ZC3H4: variants seen among roughly 807,000 people sequenced by gnomAD.
ZC3H4 encodes the protein zinc finger CCCH domain-containing protein 4.
Under a neutral mutation model 108.3 loss-of-function variants are expected in ZC3H4, and 13 were observed. That is an observed-to-expected ratio of 0.12 (90% CI 0.08 to 0.19). The LOEUF (loss-of-function observed/expected upper bound fraction) is 0.19. Ranked by LOEUF, ZC3H4 falls within the 10% of genes least tolerant of loss-of-function variation. The pLI, the probability that ZC3H4 is intolerant of heterozygous loss-of-function variation, is 1.00. For missense variants in ZC3H4, 1,734 were observed against 1,838.8 expected (o/e 0.94, Z 1.04); for synonymous variants, 917 against 749.6 (o/e 1.22, Z -3.65).
rs1189275561 is a variant in ZC3H4, at chr19:47,072,158, CGAG to C, written c.1803-40_1803-38del. The C allele has an allele frequency of 1.6e-5, 24 of 1,486,086 alleles. No homozygotes were observed. The highest frequency in any genetic ancestry group is 2.1e-5 in the Non-Finnish European group (23 of 1,118,656). 92.1% of individuals were successfully genotyped at this position (1,486,086 alleles called of 1,614,324 possible). On this transcript the variant is annotated intron_variant, in intron 12 of 14. Transcript: ENST00000253048. This position sits in a 1 kb window ranked among gnomAD's most constrained non-coding sequence, Gnocchi z 5.6. Reference sequence around the variant, plus strand: ...AAAAGGTGCCTGTGACGGAAGCTGCCGAGGAGGGCAGTGGCCACACCCCAGAGG... The same window carrying C: ...AAAAGGTGCCTGTGACGGAAGCTGCCGAGGGCAGTGGCCACACCCCAGAGG...
chr19:47,111,019 G>A, intron 2 of ZC3H4: 1 of 701,712 alleles, frequency 1.4e-6, no homozygotes, highest in African/African-American at 1.9e-5. Context: ...CGTACAGCCT[G>A]GCAAGGGAAG....
In ZC3H4 at chr19:47,112,404, G is replaced by A. The variant is rs1272786085; in HGVS notation, c.161+20C>T. 2.4e-6 allele frequency: 3 copies of A among 1,233,220 alleles called. No individual in the cohort carries two copies. The highest frequency in any genetic ancestry group is 1.6e-5 in the African/African-American group (1 of 64,254). 76.4% of individuals were successfully genotyped at this position (1,233,220 alleles called of 1,614,324 possible). On this transcript the variant is annotated intron_variant, in intron 2 of 14. Transcript: ENST00000253048. ...TTCCTCCCCCCGGGGACGCAGCCCCGGCCCAACCGGGGGCCTGACCTGTCG... is the reference window on the plus strand; with the variant it reads ...TTCCTCCCCCCGGGGACGCAGCCCCAGCCCAACCGGGGGCCTGACCTGTCG...
intron 11 of ZC3H4, among the ~76,000 whole-genome samples, chr19:47,080,744 A>G (rs985276316): frequency 6.6e-6 from 1 of 151,440 alleles, no homozygotes; most frequent in Admixed American, 6.6e-5. Flanking sequence ...AGCTCACTGC[A>G]ACCTCTGCCT....
intron 2 of ZC3H4, among the ~76,000 whole-genome samples, chr19:47,110,707 T>G: frequency 6.6e-6 from 1 of 152,234 alleles, no homozygotes; most frequent in East Asian, 1.9e-4. Flanking sequence ...ATAAAGCGTG[T>G]AAGCACCTTT....
chr19:47,066,433 C>G lies in ZC3H4; in HGVS notation c.3835G>C (p.Glu1279Gln), dbSNP rs749375967. 10 of 1,571,496 alleles carry G rather than the reference C, an allele frequency of 6.4e-6. No individual in the cohort carries two copies. The highest frequency in any genetic ancestry group is 8.6e-6 in the Non-Finnish European group (10 of 1,161,040). ...AGGGATGCCGCATCCTGCTCACCCT[C>G]GCGGGCCGGACTGTTCCCAGCAAAT... ...SPFAGNSPAR[E>Q]GEQDAASLKD... Residue 1279 changes from glutamate to glutamine, a missense_variant, in exon 15 of 15, where the codon GAG becomes CAG. Around this residue, in one of 9 missense-constraint regions of ZC3H4, gnomAD observed 518 missense variants for 499.6 expected, o/e 1.04. Coordinates refer to ENST00000253048, the MANE Select transcript of ZC3H4 (RefSeq NM_015168.2).
At chr19:47,074,662 T>C (rs1213097663) in intron 11 of ZC3H4, among the ~76,000 whole-genome samples, 2 of 152,212 alleles carry the variant, frequency 1.3e-5, no homozygotes, top group African/African-American at 4.8e-5. Context: ...AATGCCTGCT[T>C]TGCCCCCCAA....
At chr19:47,070,141 G>A (rs186653001) in intron 13 of ZC3H4, among the ~76,000 whole-genome samples, 4 of 152,180 alleles carry the variant, frequency 2.6e-5, no homozygotes, top group African/African-American at 7.2e-5. Flanking sequence ...CGGAGGGGGG[G>A]GCGTCTGGAG....
In ZC3H4 at chr19:47,067,881, C is replaced by G. The variant is rs2057247179; in HGVS notation, c.2399-12G>C. 1 of 1,575,002 alleles carries G rather than the reference C, an allele frequency of 6.3e-7. No homozygotes were observed. Among genetic ancestry groups the G allele is most frequent in the Non-Finnish European group, 8.6e-7 (1 of 1,163,686 alleles). On this transcript the variant is annotated splice_polypyrimidine_tract_variant and intron_variant, in intron 14 of 14. Transcript: ENST00000253048. The surrounding 1 kb of genome is among the most constrained non-coding windows in gnomAD (Gnocchi z 6.4). Reference sequence around the variant, plus strand: ...GTTTCCGGTGTCACCTGGGAAAGAACAGAGGAGCAGGGAGGGGTGAGTGGG... The same window carrying G: ...GTTTCCGGTGTCACCTGGGAAAGAAGAGAGGAGCAGGGAGGGGTGAGTGGG...
chr19:47,070,925 C>T (rs1288668491), intron 13 of ZC3H4, among the ~76,000 whole-genome samples: 2 of 152,016 alleles, frequency 1.3e-5, no homozygotes, highest in South Asian at 2.1e-4. Context: ...CTCCAGTGGC[C>T]GCCCTGCTGC....
chr19:47,085,240 C>T (rs2057597900), intron 7 of ZC3H4, 45 bp from the exon 8 acceptor site: 2 of 1,578,898 alleles, frequency 1.3e-6, no homozygotes, highest in Non-Finnish European at 8.6e-7. Flanking sequence ...CACCCCCTCC[C>T]CCACCCCCAG....
chr19:47,096,989 C>T (rs2057831927), intron 2 of ZC3H4: 18 of 985,406 alleles, frequency 1.8e-5, no homozygotes, highest in Non-Finnish European at 1.9e-5. Context: ...TGATGCCACT[C>T]GCTGGCTCGG....
At chr19:47,100,918 G>A (rs560649702) in intron 2 of ZC3H4, among the ~76,000 whole-genome samples, 32 of 152,076 alleles carry the variant, frequency 2.1e-4, no homozygotes, top group African/African-American at 6.7e-4. Flanking sequence ...GGCTGGTCTC[G>A]AACTCCTGAC....
intron 2 of ZC3H4, among the ~76,000 whole-genome samples, chr19:47,097,304 A>C (rs548171001): frequency 3.9e-5 from 6 of 152,212 alleles, no homozygotes; most frequent in Non-Finnish European, 8.8e-5. Flanking sequence ...AGAGAAATAC[A>C]TAGGATTTTT....
chr19:47,094,037 T>C lies in ZC3H4; in HGVS notation c.425A>G (p.Asp142Gly). ...TTTCTCACTGGGGCTGAAATCCGAGTCATCTGAGAAGTCAGAGAAGTCATC... is the reference window on the plus strand; with the variant it reads ...TTTCTCACTGGGGCTGAAATCCGAGCCATCTGAGAAGTCAGAGAAGTCATC... ...SSDDFSDFSD[D>G]SDFSPSEKGH... Residue 142 changes from aspartate to glycine, a missense_variant, in exon 4 of 15, where the codon GAC becomes GGC. By Grantham distance (94) the Asp-to-Gly change is moderately conservative. Around this residue, in one of 9 missense-constraint regions of ZC3H4, gnomAD observed 403 missense variants for 457.0 expected, o/e 0.88. Transcript: ENST00000253048. The C allele has an allele frequency of 6.2e-7, 1 of 1,614,076 alleles. No homozygotes were observed. The highest frequency in any genetic ancestry group is 8.5e-7 in the Non-Finnish European group (1 of 1,180,002).
At chr19:47,069,035 C>A in intron 14 of ZC3H4, 57 bp downstream of exon 14, 3 of 1,598,032 alleles carry the variant, frequency 1.9e-6, no homozygotes, top group South Asian at 2.2e-5. Context: ...CCACCACCGC[C>A]GCTCCCCTGC....
intron 10 of ZC3H4, 108 bp downstream of exon 10, chr19:47,082,076 G>C (rs552136814): frequency 4.2e-6 from 4 of 959,740 alleles, no homozygotes; most frequent in East Asian, 2.4e-5. Flanking sequence ...GAAAGCTCTT[G>C]GCACAGAGAG....
rs917727348 is a variant in ZC3H4, at chr19:47,064,745, CAAAA to C, written c.*1607_*1610del. The C allele has an allele frequency of 1.6e-5, 2 of 128,176 alleles. No individual in the cohort carries two copies. Among genetic ancestry groups the C allele is most frequent in the Non-Finnish European group, 3.4e-5 (2 of 58,512 alleles). 7.9% of individuals were successfully genotyped at this position (128,176 alleles called of 1,614,324 possible). ...GTAAAAAAAAAAAAAAAAAAAAAGA[CAAAA>C]AGACAAACCAACCAACCAGATCCCA... is the stretch of plus-strand genomic sequence containing the variant. On this transcript the variant is annotated 3_prime_UTR_variant, in exon 15 of 15. Transcript: ENST00000253048.
chr19:47,084,260 A>C lies in ZC3H4; in HGVS notation c.1218+85T>G, dbSNP rs576050405. ...TACACAGTCACTCCCACCCACCCTC[A>C]CCACGGCTCCAGAACCTTCTGGAAG... On this transcript the variant is annotated intron_variant, in intron 9 of 14. Transcript: ENST00000253048. 1.6e-5 allele frequency: 21 copies of C among 1,330,732 alleles called. No homozygotes were observed. The South Asian group carries it at 2.6e-4, about 16-fold the overall frequency. 82.4% of individuals were successfully genotyped at this position (1,330,732 alleles called of 1,614,324 possible). A position where few individuals can be genotyped will look rare whatever the true frequency, so the allele number is the denominator to read the frequency against.
rs1023367866 is a variant in ZC3H4, at chr19:47,080,065, G to C, written c.1440+1448C>G. ...CCAGTTAACAAGACAGTCACTGACAGATGGACTCTGGAAGCCGGCAGATGT... is the reference window on the plus strand; with the variant it reads ...CCAGTTAACAAGACAGTCACTGACACATGGACTCTGGAAGCCGGCAGATGT... On this transcript the variant is annotated intron_variant, in intron 11 of 14. Coordinates refer to ENST00000253048, the MANE Select transcript of ZC3H4 (RefSeq NM_015168.2). Among the ~76,000 whole-genome samples, 11 of 152,296 alleles carry C rather than the reference G, an allele frequency of 7.2e-5. No homozygotes were observed. In the East Asian group the frequency reaches 1.9e-3, roughly 27 times the overall value.
Sources: allele counts gnomAD v4.1 joint callset (sites outside exome capture counted in the v4.1 genomes callset), GRCh38; gene constraint gnomAD v4.1.1; regional missense constraint gnomAD v4.1.1; non-coding constraint Gnocchi (gnomAD v3.1); transcripts MANE v1.5; gene names NCBI Gene and HGNC (gene_info 2026-07-23, HGNC 2026-07-21).